Variants in COG3 observed in about 807,000 individuals in gnomAD.
COG3 encodes component of oligomeric golgi complex 3.
Under a neutral mutation model 114.1 loss-of-function variants are expected in COG3, and 32 were observed. The observed-to-expected ratio is 0.28, with a 90% CI of 0.21 to 0.38. The LOEUF is 0.38. COG3 is among the 10% of genes least tolerant of loss of function. The pLI is 1.00. For synonymous variants in COG3, 352 were observed against 365.7 expected, an observed-to-expected ratio of 0.96 and a Z score of 0.43; for missense variants, 813 against 973.2, an observed-to-expected ratio of 0.84 and a Z score of 2.19.
At chr13:45,469,281 G>GT (rs1231489989) in intron 1 of COG3, among the ~76,000 whole-genome samples, 2 of 152,154 alleles carry the variant, frequency 1.3e-5, no homozygotes, top group Non-Finnish European at 2.9e-5. Flanking sequence ...CTCAAGTAGA[G>GT]TTTTCAAATT....
intron 4 of COG3, 152 bp from the exon 5 acceptor site, chr13:45,481,078 T>G (rs1886220443): frequency 1.6e-6 from 1 of 620,032 alleles, no homozygotes; most frequent in African/African-American, 1.9e-5. Flanking sequence ...TCGCCCCTTT[T>G]AGTTCATGAT....
intron 7 of COG3, 137 bp from the exon 8 acceptor site, chr13:45,486,358 G>GGGAGAGGGAGAGGGAGAA (rs1886669235): frequency 1.6e-6 from 1 of 626,502 alleles, no homozygotes; most frequent in Non-Finnish European, 2.9e-6. Flanking sequence ...GAGAGGGAGA[G>GGGAGAGGGAGAGGGAGAA]GGAGAGGGAG....
At chr13:45,523,399 T>C (rs765126805) in intron 19 of COG3, among the ~76,000 whole-genome samples, 1 of 152,136 alleles carries the variant, frequency 6.6e-6, no homozygotes, top group Non-Finnish European at 1.5e-5. Context: ...GAAATTAAGA[T>C]AGAAAAATAG....
intron 12 of COG3, among the ~76,000 whole-genome samples, chr13:45,494,763 C>G (rs1031501659): frequency 6.6e-6 from 1 of 152,104 alleles, no homozygotes; most frequent in Non-Finnish European, 1.5e-5. Context: ...TGGACTCAAG[C>G]AGTCTGCCCT....
intron 16 of COG3, among the ~76,000 whole-genome samples, chr13:45,512,209 G>A (rs1449085727): frequency 6.6e-6 from 1 of 152,180 alleles, no homozygotes; most frequent in African/African-American, 2.4e-5. Context: ...CTCTCTCTAC[G>A]ATAATGTTTT....
intron 13 of COG3, 117 bp downstream of exon 13, chr13:45,496,429 A>G (rs1868783845): frequency 1.6e-5 from 13 of 824,698 alleles, no homozygotes; most frequent in African/African-American, 1.8e-5. Context: ...CTTGTTGCCC[A>G]GGCTGGTCTC....
At chr13:45,499,281 A>G (rs1040440678) in intron 13 of COG3, among the ~76,000 whole-genome samples, 6 of 152,140 alleles carry the variant, frequency 3.9e-5, no homozygotes, top group African/African-American at 1.2e-4. Flanking sequence ...AACATACACA[A>G]ATAGTTTCAG....
intron 20 of COG3, among the ~76,000 whole-genome samples, chr13:45,529,253 G>A (rs758379982): frequency 1.1e-4 from 16 of 152,052 alleles, no homozygotes; most frequent in Middle Eastern, 3.4e-3. Context: ...ATGACACTTG[G>A]GTTTCATAGT....
intron 16 of COG3, chr13:45,512,065 C>T (rs1870926138): frequency 2.1e-6 from 1 of 479,198 alleles, no homozygotes; most frequent in South Asian, 3.0e-5. Context: ...GCTAAAGTAC[C>T]AAAAGTGGTA....
chr13:45,482,218 T>A (rs980207223), intron 5 of COG3, among the ~76,000 whole-genome samples, 163 bp from the exon 6 acceptor site: 3 of 152,218 alleles, frequency 2.0e-5, no homozygotes, highest in Admixed American at 1.3e-4. Flanking sequence ...CCCTTCTTTA[T>A]TGTACATGTG....
chr13:45,514,020 A>AT (rs985054050), intron 16 of COG3, among the ~76,000 whole-genome samples: 4 of 151,942 alleles, frequency 2.6e-5, no homozygotes, highest in African/African-American at 9.7e-5. Context: ...ACTATGGATG[A>AT]TTTTTTCTCT....
chr13:45,506,958 G>A (rs893133849), intron 14 of COG3, among the ~76,000 whole-genome samples: 6 of 152,252 alleles, frequency 3.9e-5, no homozygotes, highest in Non-Finnish European at 8.8e-5. Context: ...GAGCAAGTAA[G>A]GGGGAGGTGA....
chr13:45,490,456 T>C (rs1258382694), intron 8 of COG3, among the ~76,000 whole-genome samples: 1 of 152,160 alleles, frequency 6.6e-6, no homozygotes, highest in Non-Finnish European at 1.5e-5. Flanking sequence ...GCTCTGATTC[T>C]TCAGAAACAA....
In COG3 at chr13:45,503,310, C is replaced by T. The variant is rs1319941634; in HGVS notation, c.1555C>T (p.His519Tyr). The change falls in exon 14 of 23, where the codon CAC (histidine) becomes TAC (tyrosine). Residue 519 changes from histidine (H) to tyrosine (Y), a missense_variant. Coordinates refer to ENST00000349995, the MANE Select transcript of COG3 (RefSeq NM_031431.4). ...TTCAGAAGCTTCATTTTCAGATGTTCACTTAGAAGAAGGAGAGTCTAACAG... is the reference window on the plus strand; with the variant it reads ...TTCAGAAGCTTCATTTTCAGATGTTTACTTAGAAGAAGGAGAGTCTAACAG... ...VPSEASFSDVHLEEGESNSLT... is the reference protein window; with the variant it reads ...VPSEASFSDVYLEEGESNSLT... 2 of 1,604,964 alleles carry T rather than the reference C, an allele frequency of 1.2e-6. No individual in the cohort carries two copies. The highest frequency in any genetic ancestry group is 2.2e-5 in the South Asian group (2 of 90,818).
At position 45,534,792 on chromosome 13, in the gene COG3, G is replaced by A. The variant is rs1000379052; in HGVS notation, c.*61G>A. The A allele has an allele frequency of 3.3e-6, 5 of 1,526,286 alleles. No homozygotes were observed. Among genetic ancestry groups the A allele is most frequent in the Non-Finnish European group, 4.4e-6 (5 of 1,137,482 alleles). 94.5% of individuals were successfully genotyped at this position (1,526,286 alleles called of 1,614,324 possible). A position where few individuals can be genotyped will look rare whatever the true frequency, so the allele number is the denominator to read the frequency against. Reference sequence around the variant, plus strand: ...TGGGAGGAGCAGGCTGAGAAGTCTTGCAGTCTGCAGGACACCGAGGAATCG... The same window carrying A: ...TGGGAGGAGCAGGCTGAGAAGTCTTACAGTCTGCAGGACACCGAGGAATCG... On this transcript the variant is annotated 3_prime_UTR_variant, in exon 23 of 23. Coordinates refer to ENST00000349995, the MANE Select transcript of COG3 (RefSeq NM_031431.4).
chr13:45,479,015 G>T lies in COG3; in HGVS notation c.332G>T (p.Trp111Leu). The change falls in exon 3 of 23, where the codon TGG (tryptophan) becomes TTG (leucine). Residue 111 changes from tryptophan to leucine, a missense_variant. This residue lies in a region of COG3 where 424 missense variants were observed against 430.6 expected (regional missense o/e 0.98). Coordinates refer to ENST00000349995, the MANE Select transcript of COG3 (RefSeq NM_031431.4). Reference protein sequence around the residue: ...RIETAQQFFSWFAKLQTQMDQ... With the variant: ...RIETAQQFFSLFAKLQTQMDQ... Reference sequence around the variant, plus strand: ...ACTCTGTTTTTCCAGTTTTTCTCATGGTTTGCAAAGCTGCAAACTCAGATG... The same window carrying T: ...ACTCTGTTTTTCCAGTTTTTCTCATTGTTTGCAAAGCTGCAAACTCAGATG... 6.2e-7 allele frequency: 1 copy of T among 1,609,912 alleles called. No individual in the cohort carries two copies.
At position 45,506,391 on chromosome 13, in the gene COG3, G is replaced by A. The variant is rs1286751902; in HGVS notation, c.1594+3042G>A. Among the ~76,000 whole-genome samples, 3 of 152,120 alleles carry A rather than the reference G, an allele frequency of 2.0e-5. No individual in the cohort carries two copies. The South Asian group carries it at 6.2e-4, about 32-fold the overall frequency. ...AGAGGGTGTGATTGATGTCAGAGGA[G>A]GAGGGGTTGGCAGTGTAGTTTGCGT... On this transcript the variant is annotated intron_variant, in intron 14 of 22. Transcript: ENST00000349995.
At chr13:45,518,874 G>A (rs751749945) in intron 18 of COG3, 24 bp downstream of exon 18, 17 of 1,610,498 alleles carry the variant, frequency 1.1e-5, no homozygotes, top group South Asian at 2.2e-5. Context: ...TGTTTCATTG[G>A]TGGTGGGAGA....
chr13:45,503,572 G>A (rs150484674), intron 14 of COG3, among the ~76,000 whole-genome samples: 2 of 152,268 alleles, frequency 1.3e-5, no homozygotes, highest in East Asian at 3.9e-4. Context: ...TGGAAATTGC[G>A]AAGGGAGATG....
Sources: gnomAD v4.1 joint callset for allele counts (sites outside exome capture counted in the v4.1 genomes callset) on GRCh38, gnomAD v4.1.1 for gene constraint, gnomAD v4.1.1 regional missense constraint, MANE v1.5 for transcripts, NCBI Gene and HGNC (gene_info 2026-07-23, HGNC 2026-07-21) for gene names.